Variants in BLK observed in about 807,000 individuals in gnomAD.
BLK encodes BLK proto-oncogene, Src family tyrosine kinase.
Under a neutral mutation model 61.8 loss-of-function variants are expected in BLK, and 64 were observed. That is an observed-to-expected ratio of 1.03 (90% CI 0.85 to 1.27). BLK has a LOEUF of 1.27. Among genes scored for constraint, BLK ranks in the 50% most tolerant of loss-of-function variants. The pLI, the probability that BLK is intolerant of heterozygous loss-of-function variation, is 0.00. For synonymous variants in BLK, 351 were observed against 272.0 expected (o/e 1.29, Z -2.86); for missense variants, 853 against 660.5 (o/e 1.29, Z -3.19).
chr8:11,553,672 A>AGGGTC (rs1438723260), intron 6 of BLK: 2 of 169,448 alleles, frequency 1.2e-5, no homozygotes, highest in Non-Finnish European at 2.5e-5. Context: ...GCACCCGGGC[A>AGGGTC]GGGTCGGGGA....
intron 1 of BLK, among the ~76,000 whole-genome samples, chr8:11,536,255 A>G (rs2248699): frequency 0.41 from 62,641 of 151,992 alleles, 13,912 homozygotes; most frequent in Non-Finnish European, 0.5. Flanking sequence ...CATTGATTTC[A>G]TGTTGTTTCC....
intron 1 of BLK, among the ~76,000 whole-genome samples, chr8:11,512,205 T>C (rs1348253328): frequency 1.3e-5 from 2 of 152,222 alleles, no homozygotes; most frequent in South Asian, 2.1e-4. Context: ...GATGACTTAA[T>C]GGGTACAGAG....
intron 1 of BLK, among the ~76,000 whole-genome samples, chr8:11,531,114 A>G (rs1296456597): frequency 6.6e-6 from 1 of 152,166 alleles, no homozygotes; most frequent in Non-Finnish European, 1.5e-5. Flanking sequence ...ACACCTGTTC[A>G]TGGGTTTGTG....
At position 11,528,034 on chromosome 8, in the gene BLK, T is replaced by C. The variant is rs564715858; in HGVS notation, c.-1-15190T>C. The stretch of plus-strand genomic sequence containing the variant: ...GGGGTTAGTTTTGGGGAGGGACTAT[T>C]ATCATCCTTGCTTTTTCTTTGAGAC... On this transcript the variant is annotated intron_variant, in intron 1 of 12. Transcript: ENST00000259089. Among the ~76,000 whole-genome samples, 6 of 152,204 alleles carry C rather than the reference T, an allele frequency of 3.9e-5. No homozygotes were observed. In the East Asian group the frequency reaches 1.2e-3, roughly 29 times the overall value.
intron 1 of BLK, among the ~76,000 whole-genome samples, chr8:11,496,354 C>A (rs1332258056): frequency 2.0e-5 from 3 of 152,204 alleles, no homozygotes; most frequent in African/African-American, 7.2e-5. Flanking sequence ...ATCCTCCCAA[C>A]TCAGCCTCCT....
At chr8:11,508,696 C>T (rs535742514) in intron 1 of BLK, among the ~76,000 whole-genome samples, 28 of 152,364 alleles carry the variant, frequency 1.8e-4, no homozygotes, top group African/African-American at 6.7e-4. Flanking sequence ...AAGCCAGACA[C>T]TGTGCTGGGC....
chr8:11,517,246 G>A (rs1316609831), intron 1 of BLK, among the ~76,000 whole-genome samples: 1 of 152,202 alleles, frequency 6.6e-6, no homozygotes, highest in Non-Finnish European at 1.5e-5. Flanking sequence ...GCCTGTGGAC[G>A]GGAGAGCCAA....
At position 11,564,217 on chromosome 8, in the gene BLK, A is replaced by G; in HGVS notation, c.*109A>G. 7.5e-7 allele frequency: 1 copy of G among 1,333,512 alleles called. No individual in the cohort carries two copies. The highest frequency in any genetic ancestry group is 1.0e-6 in the Non-Finnish European group (1 of 965,966). 82.6% of individuals were successfully genotyped at this position (1,333,512 alleles called of 1,614,324 possible). A position where few individuals can be genotyped will look rare whatever the true frequency, so the allele number is the denominator to read the frequency against. The stretch of plus-strand genomic sequence containing the variant: ...GGGGTGTCGCCTGTGCCCTTTTCTC[A>G]GACCCGGAATCCAGTGGGCAGAGGC... On this transcript the variant is annotated 3_prime_UTR_variant, in exon 13 of 13. Transcript: ENST00000259089.
chr8:11,541,151 C>T (rs1233984149), intron 1 of BLK, among the ~76,000 whole-genome samples: 1 of 144,230 alleles, frequency 6.9e-6, no homozygotes, highest in Admixed American at 7.1e-5. Context: ...CCTGTCATCC[C>T]AGCTACTCGA....
intron 9 of BLK, among the ~76,000 whole-genome samples, 158 bp downstream of exon 9, chr8:11,556,995 A>T (rs1585415329): frequency 1.5e-5 from 2 of 137,456 alleles, no homozygotes; most frequent in African/African-American, 2.7e-5. Context: ...AGGGAGGGGG[A>T]GGGACAGAGG....
chr8:11,514,382 A>G (rs1029423036), intron 1 of BLK, among the ~76,000 whole-genome samples: 1 of 152,220 alleles, frequency 6.6e-6, no homozygotes, highest in Admixed American at 6.5e-5. Context: ...GAAGGACGCT[A>G]AACAAGGGTG....
chr8:11,496,343 G>T (rs746806418), intron 1 of BLK, among the ~76,000 whole-genome samples: 4 of 152,110 alleles, frequency 2.6e-5, no homozygotes, highest in Non-Finnish European at 5.9e-5. Context: ...GGGCTCAAGC[G>T]ATCCTCCCAA....
chr8:11,516,180 A>C (rs920105175), intron 1 of BLK, among the ~76,000 whole-genome samples: 2 of 152,258 alleles, frequency 1.3e-5, no homozygotes, highest in African/African-American at 4.8e-5. Flanking sequence ...AAACACTGCA[A>C]TTCCATTTAA....
At chr8:11,504,672 T>G (rs1420274062) in intron 1 of BLK, among the ~76,000 whole-genome samples, 1 of 152,170 alleles carries the variant, frequency 6.6e-6, no homozygotes, top group Non-Finnish European at 1.5e-5. Context: ...TCAAAAACTG[T>G]CTCCAATATG....
Position 11,546,039 on chromosome 8 carries a change from T to C in BLK, c.124-13T>C, listed in dbSNP as rs1412850601. 1.9e-6 allele frequency: 3 copies of C among 1,613,946 alleles called. No individual in the cohort carries two copies. The Middle Eastern group carries it at 4.9e-4, about 266-fold the overall frequency. ...GGGACTGAAATAACTCAAGTGTGTG[T>C]TTTCTACCCAAGGTTGTCTTCAACC... On this transcript the variant is annotated splice_polypyrimidine_tract_variant and intron_variant, in intron 2 of 12. Transcript: ENST00000259089.
At chr8:11,506,895 C>T (rs1290291397) in intron 1 of BLK, among the ~76,000 whole-genome samples, 1 of 152,222 alleles carries the variant, frequency 6.6e-6, no homozygotes, top group Non-Finnish European at 1.5e-5. Flanking sequence ...CAAGATCTCT[C>T]AGTCACGGGC....
At position 11,554,831 on chromosome 8, in the gene BLK, C is replaced by G; in HGVS notation, c.561C>G (p.Tyr187Ter). 6.2e-7 allele frequency: 1 copy of G among 1,614,040 alleles called. No homozygotes were observed. Among genetic ancestry groups the G allele is most frequent in the Non-Finnish European group, 8.5e-7 (1 of 1,179,980 alleles). The change falls in exon 7 of 13, where the codon TAC becomes TAG. Residue 187 changes from tyrosine (Y) to a stop codon, truncating the protein, a stop_gained. Transcript: ENST00000259089. LOFTEE classifies it high-confidence loss of function. ...YKIRCLDEGG[Y>*]YISPRITFPS... ...TCCGCTGCCTGGATGAAGGGGGCTA[C>G]TACATCTCCCCCCGGATCACCTTCC...
At chr8:11,545,702 T>C (rs907222749) in intron 2 of BLK, 2 of 351,756 alleles carry the variant, frequency 5.7e-6, no homozygotes, top group South Asian at 3.3e-5. Context: ...TTTTTAAATA[T>C]TTTTTCTTGT....
chr8:11,526,539 T>G (rs554928227), intron 1 of BLK, among the ~76,000 whole-genome samples: 11 of 152,238 alleles, frequency 7.2e-5, no homozygotes, highest in South Asian at 4.1e-4. Context: ...GGCAAAATGA[T>G]GAAACCCCAT....
Sources: allele counts gnomAD v4.1 joint callset (sites outside exome capture counted in the v4.1 genomes callset), GRCh38; gene constraint gnomAD v4.1.1; transcripts MANE v1.5; gene names NCBI Gene and HGNC (gene_info 2026-07-23, HGNC 2026-07-21).